The following FBXO8 variants were observed in gnomAD, a reference collection of about 807,000 sequenced individuals.
FBXO8 encodes F-box only protein 8.
FBXO8 carries 15 observed loss-of-function variants against 33.4 expected under a neutral mutation model. The observed-to-expected ratio is 0.45, with a 90% CI of 0.30 to 0.69. The LOEUF (loss-of-function observed/expected upper bound fraction) is 0.69. FBXO8 is among the 30% of genes least tolerant of loss of function. The probability of loss-of-function intolerance (pLI) is 0.08; values close to 1 mark genes in which losing one functional copy is unlikely to be tolerated. For synonymous variants in FBXO8, 132 were observed against 131.5 expected, an observed-to-expected ratio of 1.00 and a Z score of -0.02; for missense variants, 274 against 380.3, an observed-to-expected ratio of 0.72 and a Z score of 2.32.
rs749798277 is a variant in FBXO8, at chr4:174,254,734, G to GGTTT, written c.456+4961_456+4964dup. On this transcript the variant is annotated intron_variant, in intron 3 of 5. Transcript: ENST00000393674. The surrounding 1 kb of genome is among the most constrained non-coding windows in gnomAD (Gnocchi z 4.2). ...TGTCAAGACTCAATTCAACTCTCAGGGTTTGTTTGTTTGTTTGTTTTGTAG... is the reference window on the plus strand; with the variant it reads ...TGTCAAGACTCAATTCAACTCTCAGGGTTTGTTTGTTTGTTTGTTTGTTTTGTAG... Among the ~76,000 whole-genome samples, 2 of 151,916 alleles carry GGTTT rather than the reference G, an allele frequency of 1.3e-5. No homozygotes were observed. Among genetic ancestry groups the GGTTT allele is most frequent in the Admixed American group, 6.6e-5 (1 of 15,248 alleles).
chr4:174,272,055 T>G lies in FBXO8; in HGVS notation c.-8-8955A>C, dbSNP rs563433176. Among the ~76,000 whole-genome samples, 3 of 152,322 alleles carry G rather than the reference T, an allele frequency of 2.0e-5. No homozygotes were observed. In the East Asian group the frequency reaches 5.8e-4, roughly 29 times the overall value. ...GGCAATGTTTCCTAAACTTGGATTA[T>G]GAGTGTTCAGTGAACTAATAGCAAA... On this transcript the variant is annotated intron_variant, in intron 1 of 5. Transcript: ENST00000393674. This position sits in a 1 kb window ranked among gnomAD's most constrained non-coding sequence, Gnocchi z 4.7.
intron 3 of FBXO8, among the ~76,000 whole-genome samples, chr4:174,248,071 C>T (rs1736199396): frequency 6.6e-6 from 1 of 151,942 alleles, no homozygotes; most frequent in African/African-American, 2.4e-5. Flanking sequence ...GTGAAATAAG[C>T]GCAGAAGATT....
intron 1 of FBXO8, among the ~76,000 whole-genome samples, chr4:174,273,154 G>C (rs918632641): frequency 1.3e-4 from 20 of 151,876 alleles, no homozygotes; most frequent in African/African-American, 4.6e-4. Flanking sequence ...GAGTGTGGTG[G>C]CATGTGCCTG....
chr4:174,276,027 T>C (rs886669452), intron 1 of FBXO8, among the ~76,000 whole-genome samples: 1 of 152,134 alleles, frequency 6.6e-6, no homozygotes, highest in African/African-American at 2.4e-5. Context: ...AAAAACAAAG[T>C]AATAAGCTAT....
rs527395828 is a variant in FBXO8, at chr4:174,278,621, A to G, written c.-9+4789T>C. On this transcript the variant is annotated intron_variant, in intron 1 of 5. Coordinates refer to ENST00000393674, the MANE Select transcript of FBXO8 (RefSeq NM_012180.3). This position sits in a 1 kb window ranked among gnomAD's most constrained non-coding sequence, Gnocchi z 4.1. ...ATGGTTCTTACTTAATTGTATCACT[A>G]TTTACTTAAAGTGGCTGTAATCAGC... Among the ~76,000 whole-genome samples, 2 of 152,138 alleles carry G rather than the reference A, an allele frequency of 1.3e-5. No homozygotes were observed. The highest frequency in any genetic ancestry group is 6.5e-5 in the Admixed American group (1 of 15,282).
In FBXO8 at chr4:174,245,160, T is replaced by C. The variant is rs1243290472; in HGVS notation, c.457-3942A>G. ...TTTTGCCCTAAGAAAATTTAAAGTTTATCTGTGGCAATGAGACACATACAT... is the reference window on the plus strand; with the variant it reads ...TTTTGCCCTAAGAAAATTTAAAGTTCATCTGTGGCAATGAGACACATACAT... On this transcript the variant is annotated intron_variant, in intron 3 of 5. Coordinates refer to ENST00000393674, the MANE Select transcript of FBXO8 (RefSeq NM_012180.3). The surrounding 1 kb of genome is among the most constrained non-coding windows in gnomAD (Gnocchi z 4.6). Among the ~76,000 whole-genome samples the C allele has an allele frequency of 6.6e-6, 1 of 151,830 alleles. No homozygotes were observed. Among genetic ancestry groups the C allele is most frequent in the African/African-American group, 2.4e-5 (1 of 41,396 alleles).
In FBXO8 at chr4:174,237,603, GAAAGAA is replaced by G. The variant is rs753833871; in HGVS notation, c.773-10_773-5del. ...TAGCACAGTACATAGACAGCATCTG[GAAAGAA>G]AAAGAAACAGTTCAAATTATTAGTT... On this transcript the variant is annotated splice_polypyrimidine_tract_variant and splice_region_variant and intron_variant, in intron 5 of 5. Coordinates refer to ENST00000393674, the MANE Select transcript of FBXO8 (RefSeq NM_012180.3). This position sits in a 1 kb window ranked among gnomAD's most constrained non-coding sequence, Gnocchi z 4.4. 1 of 1,580,288 alleles carries G rather than the reference GAAAGAA, an allele frequency of 6.3e-7. No individual in the cohort carries two copies. Among genetic ancestry groups the G allele is most frequent in the African/African-American group, 1.4e-5 (1 of 73,624 alleles).
Position 174,281,600 on chromosome 4 carries a change from G to A in FBXO8, c.-9+1810C>T, listed in dbSNP as rs2126454600. ...GTACTCTGAAGGCTGAGGTGGGAGGGAGAATTGCTTGAACCTAGGAGGTCA... is the reference window on the plus strand; with the variant it reads ...GTACTCTGAAGGCTGAGGTGGGAGGAAGAATTGCTTGAACCTAGGAGGTCA... On this transcript the variant is annotated intron_variant, in intron 1 of 5. Transcript: ENST00000393674. The surrounding 1 kb of genome is among the most constrained non-coding windows in gnomAD (Gnocchi z 4.6). Among the ~76,000 whole-genome samples the A allele has an allele frequency of 6.6e-6, 1 of 152,238 alleles. No individual in the cohort carries two copies.
In FBXO8 at chr4:174,273,980, T is replaced by C. The variant is rs75060636; in HGVS notation, c.-9+9430A>G. Among the ~76,000 whole-genome samples, 41 of 152,290 alleles carry C rather than the reference T, an allele frequency of 2.7e-4. No individual in the cohort carries two copies. In the East Asian group the frequency reaches 7.3e-3, roughly 27 times the overall value. ...AGCTGGAAAAATGGAAGATTTAGGA[T>C]TCAAACTCAGTTCTATCTGAGTCCA... On this transcript the variant is annotated intron_variant, in intron 1 of 5. Transcript: ENST00000393674.
rs201640962 is a variant in FBXO8, at chr4:174,240,185, A to C, written c.575+915T>G. Among the ~76,000 whole-genome samples the C allele has an allele frequency of 3.5e-3, 532 of 151,470 alleles. 2 individuals carry two copies. The highest frequency in any genetic ancestry group is 0.014 in the Middle Eastern group (4 of 294). On this transcript the variant is annotated intron_variant, in intron 4 of 5. Transcript: ENST00000393674. ...AAAGAAAAAGAAAAGAAAGAAAAAA[A>C]CCCCTGCCTATCCCTAGGTACTTGG...
chr4:174,279,448 TC>T (rs1196179333), intron 1 of FBXO8, among the ~76,000 whole-genome samples: 2 of 152,088 alleles, frequency 1.3e-5, no homozygotes, highest in African/African-American at 4.8e-5. Flanking sequence ...ATCTATAGAT[TC>T]AATGTAGCTC....
rs1736382647 is a variant in FBXO8, at chr4:174,254,872, A to G, written c.456+4827T>C. On this transcript the variant is annotated intron_variant, in intron 3 of 5. Coordinates refer to ENST00000393674, the MANE Select transcript of FBXO8 (RefSeq NM_012180.3). This position sits in a 1 kb window ranked among gnomAD's most constrained non-coding sequence, Gnocchi z 4.2. The stretch of plus-strand genomic sequence containing the variant: ...AACAACAGGGTATTTCAACCATTCT[A>G]AAATATTTATTTATACACAGTAGGA... Among the ~76,000 whole-genome samples, 1 of 152,170 alleles carries G rather than the reference A, an allele frequency of 6.6e-6. No homozygotes were observed. The highest frequency in any genetic ancestry group is 6.5e-5 in the Admixed American group (1 of 15,274).
chr4:174,282,884 A>G (rs1322281391), intron 1 of FBXO8, among the ~76,000 whole-genome samples: 1 of 152,222 alleles, frequency 6.6e-6, no homozygotes, highest in South Asian at 2.1e-4. Context: ...TCTACGTAAG[A>G]GATTAGAACC....
rs2126414317 is a variant in FBXO8, at chr4:174,241,575, GCTGT to G, written c.457-361_457-358del. Among the ~76,000 whole-genome samples, 1 of 151,604 alleles carries G rather than the reference GCTGT, an allele frequency of 6.6e-6. No homozygotes were observed. The highest frequency in any genetic ancestry group is 1.9e-4 in the East Asian group (1 of 5,170). On this transcript the variant is annotated intron_variant, in intron 3 of 5. Coordinates refer to ENST00000393674, the MANE Select transcript of FBXO8 (RefSeq NM_012180.3). This position sits in a 1 kb window ranked among gnomAD's most constrained non-coding sequence, Gnocchi z 4.2. Reference sequence around the variant, plus strand: ...AACAAGCCTTTTAACAAACACTTCTGCTGTCTAATACAAAACATGATTTCTTAAA... The same window carrying G: ...AACAAGCCTTTTAACAAACACTTCTGCTAATACAAAACATGATTTCTTAAA...
rs1227663082 is a variant in FBXO8 at position 174,282,365 on chromosome 4, A to G, written c.-9+1045T>C. On this transcript the variant is annotated intron_variant, in intron 1 of 5. Transcript: ENST00000393674. ...CCTAATTCCTGATGTACAGAAACTGATAATATTTGTTGTTTTAAGCTGGGG... is the reference window on the plus strand; with the variant it reads ...CCTAATTCCTGATGTACAGAAACTGGTAATATTTGTTGTTTTAAGCTGGGG... 3.9e-5 allele frequency among the ~76,000 whole-genome samples: 6 copies of G among 152,316 alleles called. No homozygotes were observed. The East Asian group carries it at 1.2e-3, about 29-fold the overall frequency.
chr4:174,269,678 CAAA>C (rs34352151), intron 1 of FBXO8, among the ~76,000 whole-genome samples: 2 of 117,086 alleles, frequency 1.7e-5, no homozygotes. Context: ...AGACTCGTCT[CAAA>C]AAAAAAAAAA....
chr4:174,277,351 C>G lies in FBXO8; in HGVS notation c.-9+6059G>C, dbSNP rs1560876668. Among the ~76,000 whole-genome samples the G allele has an allele frequency of 6.6e-6, 1 of 152,038 alleles. No homozygotes were observed. Among genetic ancestry groups the G allele is most frequent in the Non-Finnish European group, 1.5e-5 (1 of 67,988 alleles). The stretch of plus-strand genomic sequence containing the variant: ...CTGTAAAATATTAAGCAGCTTTAAT[C>G]AAACTATCTCTCTGTAACAAGTTAA... On this transcript the variant is annotated intron_variant, in intron 1 of 5. Coordinates refer to ENST00000393674, the MANE Select transcript of FBXO8 (RefSeq NM_012180.3). This position sits in a 1 kb window ranked among gnomAD's most constrained non-coding sequence, Gnocchi z 4.9.
At chr4:174,266,215 G>A (rs750704293) in intron 1 of FBXO8, among the ~76,000 whole-genome samples, 2 of 152,094 alleles carry the variant, frequency 1.3e-5, no homozygotes, top group African/African-American at 2.4e-5. Context: ...CCGGCAGGTA[G>A]AAAGAGGTAA....
At position 174,251,817 on chromosome 4, in the gene FBXO8, AT is replaced by A. The variant is rs1736292012; in HGVS notation, c.456+7881del. Among the ~76,000 whole-genome samples the A allele has an allele frequency of 1.3e-5, 2 of 152,066 alleles. No individual in the cohort carries two copies. Among genetic ancestry groups the A allele is most frequent in the Non-Finnish European group, 2.9e-5 (2 of 68,006 alleles). On this transcript the variant is annotated intron_variant, in intron 3 of 5. Coordinates refer to ENST00000393674, the MANE Select transcript of FBXO8 (RefSeq NM_012180.3). This position sits in a 1 kb window ranked among gnomAD's most constrained non-coding sequence, Gnocchi z 4.2. The stretch of plus-strand genomic sequence containing the variant: ...GAAGGAGCCTGCCATAAACTCCAGC[AT>A]TTTAGCTCCTATGGGTAAACAGTTC...
Sources: gnomAD v4.1 joint callset for allele counts (sites outside exome capture counted in the v4.1 genomes callset) on GRCh38, gnomAD v4.1.1 for gene constraint, Gnocchi (gnomAD v3.1) non-coding constraint, MANE v1.5 for transcripts, NCBI Gene and HGNC (gene_info 2026-07-23, HGNC 2026-07-21) for gene names.